The following BECN2 variants were observed in gnomAD, a reference collection of about 807,000 sequenced individuals.
The protein encoded by BECN2 is beclin 2.
For missense variants in BECN2, 428 were observed against 507.9 expected (o/e 0.84, Z 1.51); for synonymous variants, 173 against 220.1 (o/e 0.79, Z 1.90).
rs774258195 is a variant in BECN2, at chr1:241,957,795, G to A, written c.29G>A (p.Arg10His). ...TCTTCCATCCGCTTCCTGTGCCAGC[G>A]CTGCCACCAGGCCCTGAAGCTGAGC... MSSIRFLCQ[R>H]CHQALKLSGS... Residue 10 changes from arginine to histidine, a missense_variant, in exon 1 of 1, where the codon CGC becomes CAC. By Grantham distance (29) the Arg-to-His change is conservative (BLOSUM62 0). Transcript: ENST00000419583. The A allele has an allele frequency of 2.8e-5, 34 of 1,231,712 alleles. No individual in the cohort carries two copies. Among genetic ancestry groups the A allele is most frequent in the Non-Finnish European group, 3.3e-5 (33 of 988,032 alleles). The allele number at this position is 1,231,712 out of a possible 1,614,324, so 76.3% of individuals were successfully genotyped here.
chr1:241,958,634 G>A lies in BECN2; in HGVS notation c.868G>A (p.Gly290Arg), dbSNP rs1403013513. The A allele has an allele frequency of 8.1e-7, 1 of 1,231,666 alleles. No individual in the cohort carries two copies. The highest frequency in any genetic ancestry group is 1.0e-6 in the Non-Finnish European group (1 of 988,024). 76.3% of individuals were successfully genotyped at this position (1,231,666 alleles called of 1,614,324 possible). The change falls in exon 1 of 1, where the codon GGA (glycine) becomes AGA (arginine). Residue 290 changes from glycine (G) to arginine (R), a missense_variant. Coordinates refer to ENST00000419583, the MANE Select transcript of BECN2 (RefSeq NM_001290693.1). ...CTGGAATGAGATTAACACTGCCTGG[G>A]GACAGGCGGCCTTGCTGCTCCTTAC... is the stretch of plus-strand genomic sequence containing the variant. ...VGWNEINTAW[G>R]QAALLLLTLA...
chr1:241,957,792 AG>A, the BECN2 span: 2 of 1,231,716 alleles, frequency 1.6e-6, no homozygotes, highest in Non-Finnish European at 2.0e-6. Context: ...TTCCTGTGCC[AG>A]CGCTGCCACC....
At position 241,957,870 on chromosome 1, in the gene BECN2, GGCAGGCTGA is replaced by G. The variant is rs1348497041; in HGVS notation, c.107_115del (p.Gln36_Glu38del). 3 of 1,231,802 alleles carry G rather than the reference GGCAGGCTGA, an allele frequency of 2.4e-6. No homozygotes were observed. The East Asian group carries it at 9.5e-5, about 39-fold the overall frequency. The allele number at this position is 1,231,802 out of a possible 1,614,324, so 76.3% of individuals were successfully genotyped here. A position where few individuals can be genotyped will look rare whatever the true frequency, so the allele number is the denominator to read the frequency against. ...CCTGCAGCCCCGGCGCCCACCTCTG[GGCAGGCTGA>G]GCCCGGAGACACCCGGGAGCCCGGC... On this transcript the variant is annotated inframe_deletion, in exon 1 of 1. Coordinates refer to ENST00000419583, the MANE Select transcript of BECN2 (RefSeq NM_001290693.1).
rs1664454656 is a variant in BECN2 at position 241,958,036 on chromosome 1, G to A, written c.270G>A (p.Met90Ile). ...IFTLLGELGA[M>I]HMLSSIQKAA... ...CCCTGCTGGGGGAGCTTGGCGCCAT[G>A]CACATGCTCAGTAGCATCCAGAAGG... Residue 90 changes from methionine (M) to isoleucine (I), a missense_variant, in exon 1 of 1, where the codon ATG becomes ATA. Transcript: ENST00000419583. 29 of 1,232,066 alleles carry A rather than the reference G, an allele frequency of 2.4e-5. No homozygotes were observed. Among genetic ancestry groups the A allele is most frequent in the Non-Finnish European group, 2.8e-5 (28 of 988,204 alleles). 76.3% of individuals were successfully genotyped at this position (1,232,066 alleles called of 1,614,324 possible). A position where few individuals can be genotyped will look rare whatever the true frequency, so the allele number is the denominator to read the frequency against.
chr1:241,958,542 G>T lies in BECN2; in HGVS notation c.776G>T (p.Trp259Leu). 8.1e-7 allele frequency: 1 copy of T among 1,231,806 alleles called. No homozygotes were observed. Among genetic ancestry groups the T allele is most frequent in the Non-Finnish European group, 1.0e-6 (1 of 988,038 alleles). 76.3% of individuals were successfully genotyped at this position (1,231,806 alleles called of 1,614,324 possible). A position where few individuals can be genotyped will look rare whatever the true frequency, so the allele number is the denominator to read the frequency against. The change falls in exon 1 of 1, where the codon TGG becomes TTG. Residue 259 changes from tryptophan to leucine, a missense_variant. By Grantham distance (61) the Trp-to-Leu change is moderately conservative (BLOSUM62 -2). Coordinates refer to ENST00000419583, the MANE Select transcript of BECN2 (RefSeq NM_001290693.1). ...INCFTATFEI[W>L]VEGPLGVINN... is the part of the protein sequence containing the mutation. ...TGTTTCACCGCCACGTTTGAGATCT[G>T]GGTGGAGGGCCCCTTGGGCGTCATC...
At position 241,958,544 on chromosome 1, in the gene BECN2, G is replaced by A. The variant is rs374742846; in HGVS notation, c.778G>A (p.Val260Met). The part of the protein sequence containing the change: ...NCFTATFEIW[V>M]EGPLGVINNF... The stretch of plus-strand genomic sequence containing the variant: ...TTTCACCGCCACGTTTGAGATCTGG[G>A]TGGAGGGCCCCTTGGGCGTCATCAA... The change falls in exon 1 of 1, where the codon GTG becomes ATG. Residue 260 changes from valine (V) to methionine (M), a missense_variant. Physicochemically the swap from Val to Met is conservative, Grantham distance 21 (BLOSUM62 1). Transcript: ENST00000419583. The A allele has an allele frequency of 8.1e-6, 10 of 1,231,674 alleles. No individual in the cohort carries two copies. The East Asian group carries it at 2.8e-4, about 35-fold the overall frequency. The allele number at this position is 1,231,674 out of a possible 1,614,324, so 76.3% of individuals were successfully genotyped here.
Position 241,958,282 on chromosome 1 carries a change from G to A in BECN2, c.516G>A (p.Glu172=). The change falls in exon 1 of 1, where the codon GAG becomes GAA. Residue 172 remains glutamate (E), a synonymous_variant. Coordinates refer to ENST00000419583, the MANE Select transcript of BECN2 (RefSeq NM_001290693.1). ...CGGAGCTGCGGGACCTGGAGCTGGA[G>A]GAGGCCAGGCTGGTGCAGGAGCTGG... The part of the protein sequence containing the change: ...LRAELRDLEL[E]EARLVQELED... 8.1e-7 allele frequency: 1 copy of A among 1,234,338 alleles called. No individual in the cohort carries two copies. The highest frequency in any genetic ancestry group is 1.5e-5 in the African/African-American group (1 of 64,590). The allele number at this position is 1,234,338 out of a possible 1,614,324, so 76.5% of individuals were successfully genotyped here.
At position 241,958,289 on chromosome 1, in the gene BECN2, A is replaced by G; in HGVS notation, c.523A>G (p.Arg175Gly). The G allele has an allele frequency of 8.1e-7, 1 of 1,233,912 alleles. No homozygotes were observed. Among genetic ancestry groups the G allele is most frequent in the East Asian group, 3.1e-5 (1 of 31,748 alleles). 76.4% of individuals were successfully genotyped at this position (1,233,912 alleles called of 1,614,324 possible). The change falls in exon 1 of 1, where the codon AGG becomes GGG. Residue 175 changes from arginine (R) to glycine (G), a missense_variant. Arg to Gly is a moderately radical substitution (Grantham distance 125). Coordinates refer to ENST00000419583, the MANE Select transcript of BECN2 (RefSeq NM_001290693.1). The stretch of plus-strand genomic sequence containing the variant: ...GCGGGACCTGGAGCTGGAGGAGGCC[A>G]GGCTGGTGCAGGAGCTGGAGGATGT... Reference protein sequence around the residue: ...ELRDLELEEARLVQELEDVDR... With the variant: ...ELRDLELEEAGLVQELEDVDR...
chr1:241,958,182 ACAGT>A, the BECN2 span: 51 of 1,232,148 alleles, frequency 4.1e-5, no homozygotes, highest in Non-Finnish European at 4.9e-5. Context: ...ACAGAAGCTG[ACAGT>A]CAGAACTACC....
the BECN2 span, chr1:241,958,037 CA>C: frequency 8.1e-6 from 10 of 1,232,088 alleles, no homozygotes; most frequent in African/African-American, 1.2e-4. Flanking sequence ...TGGCGCCATG[CA>C]CATGCTCAGT....
chr1:241,958,839 T>G lies in BECN2; in HGVS notation c.1073T>G (p.Met358Arg). Residue 358 changes from methionine (M) to arginine (R), a missense_variant, in exon 1 of 1, where the codon ATG becomes AGG. By Grantham distance (91) the Met-to-Arg change is moderately conservative. Coordinates refer to ENST00000419583, the MANE Select transcript of BECN2 (RefSeq NM_001290693.1). ...GCGATGGTGGCCTTCCTGGACTGCATGCAGCAGTTCAAGGAAGAGGCTGAG... is the reference window on the plus strand; with the variant it reads ...GCGATGGTGGCCTTCCTGGACTGCAGGCAGCAGTTCAAGGAAGAGGCTGAG... ...DRAMVAFLDC[M>R]QQFKEEAEKG... The G allele has an allele frequency of 2.4e-6, 3 of 1,231,854 alleles. No individual in the cohort carries two copies. Among genetic ancestry groups the G allele is most frequent in the Non-Finnish European group, 3.0e-6 (3 of 988,078 alleles). The allele number at this position is 1,231,854 out of a possible 1,614,324, so 76.3% of individuals were successfully genotyped here.
At position 241,958,707 on chromosome 1, in the gene BECN2, C is replaced by T. The variant is rs1324475508; in HGVS notation, c.941C>T (p.Pro314Leu). The change falls in exon 1 of 1, where the codon CCC becomes CTC. Residue 314 changes from proline to leucine, a missense_variant. Transcript: ENST00000419583. ...CAGTTTCAGAGGTATCGACTCATCCCCTGCGGAAACCATTCGTATCTGAAG... is the reference window on the plus strand; with the variant it reads ...CAGTTTCAGAGGTATCGACTCATCCTCTGCGGAAACCATTCGTATCTGAAG... ...GLQFQRYRLI[P>L]CGNHSYLKSL... The T allele has an allele frequency of 8.1e-7, 1 of 1,231,686 alleles. No homozygotes were observed. Among genetic ancestry groups the T allele is most frequent in the Non-Finnish European group, 1.0e-6 (1 of 988,040 alleles). The allele number at this position is 1,231,686 out of a possible 1,614,324, so 76.3% of individuals were successfully genotyped here. A position where few individuals can be genotyped will look rare whatever the true frequency, so the allele number is the denominator to read the frequency against.
At position 241,958,456 on chromosome 1, in the gene BECN2, G is replaced by A; in HGVS notation, c.690G>A (p.Gly230=). The A allele has an allele frequency of 2.4e-6, 3 of 1,231,884 alleles. No homozygotes were observed. The highest frequency in any genetic ancestry group is 8.4e-5 in the Admixed American group (2 of 23,726). 76.3% of individuals were successfully genotyped at this position (1,231,884 alleles called of 1,614,324 possible). A position where few individuals can be genotyped will look rare whatever the true frequency, so the allele number is the denominator to read the frequency against. ...RQQLELLDQL[G]NVENQLQYAR... is the part of the protein sequence containing the mutation. Reference sequence around the variant, plus strand: ...AGCTGGAACTGCTTGATCAGCTGGGGAACGTGGAGAACCAGCTGCAGTATG... The same window carrying A: ...AGCTGGAACTGCTTGATCAGCTGGGAAACGTGGAGAACCAGCTGCAGTATG... Residue 230 remains glycine, a synonymous_variant, in exon 1 of 1, where the codon GGG becomes GGA. Transcript: ENST00000419583.
At position 241,957,843 on chromosome 1, in the gene BECN2, T is replaced by C. The variant is rs914210228; in HGVS notation, c.77T>C (p.Leu26Pro). ...AGCGGCTCCTCGGAGTCTAGGAGCC[T>C]CCCTGCAGCCCCGGCGCCCACCTCT... ...KLSGSSESRS[L>P]PAAPAPTSGQ... Residue 26 changes from leucine (L) to proline (P), a missense_variant, in exon 1 of 1, where the codon CTC (leucine) becomes CCC (proline). By Grantham distance (98) the Leu-to-Pro change is moderately conservative. Transcript: ENST00000419583. The C allele has an allele frequency of 8.1e-7, 1 of 1,231,714 alleles. No homozygotes were observed. The highest frequency in any genetic ancestry group is 3.2e-5 in the East Asian group (1 of 31,676). 76.3% of individuals were successfully genotyped at this position (1,231,714 alleles called of 1,614,324 possible). A position where few individuals can be genotyped will look rare whatever the true frequency, so the allele number is the denominator to read the frequency against.
chr1:241,958,288 C>T lies in BECN2; in HGVS notation c.522C>T (p.Ala174=). 8.1e-7 allele frequency: 1 copy of T among 1,233,862 alleles called. No homozygotes were observed. The allele number at this position is 1,233,862 out of a possible 1,614,324, so 76.4% of individuals were successfully genotyped here. A position where few individuals can be genotyped will look rare whatever the true frequency, so the allele number is the denominator to read the frequency against. ...TGCGGGACCTGGAGCTGGAGGAGGC[C>T]AGGCTGGTGCAGGAGCTGGAGGATG... ...AELRDLELEE[A]RLVQELEDVD... is the part of the protein sequence containing the mutation. Residue 174 remains alanine, a synonymous_variant, in exon 1 of 1, where the codon GCC becomes GCT. Coordinates refer to ENST00000419583, the MANE Select transcript of BECN2 (RefSeq NM_001290693.1).
Position 241,958,242 on chromosome 1 carries a change from C to A in BECN2, c.476C>A (p.Ala159Glu), listed in dbSNP as rs2148586868. The A allele has an allele frequency of 1.6e-6, 2 of 1,233,440 alleles. No individual in the cohort carries two copies. Among genetic ancestry groups the A allele is most frequent in the East Asian group, 6.3e-5 (2 of 31,780 alleles). 76.4% of individuals were successfully genotyped at this position (1,233,440 alleles called of 1,614,324 possible). ...TGELATSEDE[A>E]AALRAELRDL... ...GAGCTGGCGACCAGCGAGGACGAGG[C>A]GGCGGCGCTGCGGGCGGAGCTGCGG... Residue 159 changes from alanine to glutamate, a missense_variant, in exon 1 of 1, where the codon GCG becomes GAG. Ala to Glu is a moderately radical substitution (Grantham distance 107). Coordinates refer to ENST00000419583, the MANE Select transcript of BECN2 (RefSeq NM_001290693.1).
Position 241,958,057 on chromosome 1 carries a change from G to A in BECN2, c.291G>A (p.Gln97=). 8.1e-7 allele frequency: 1 copy of A among 1,232,084 alleles called. No individual in the cohort carries two copies. Among genetic ancestry groups the A allele is most frequent in the Non-Finnish European group, 1.0e-6 (1 of 988,214 alleles). The allele number at this position is 1,232,084 out of a possible 1,614,324, so 76.3% of individuals were successfully genotyped here. A position where few individuals can be genotyped will look rare whatever the true frequency, so the allele number is the denominator to read the frequency against. The change falls in exon 1 of 1, where the codon CAG becomes CAA. Residue 97 remains glutamine (Q), a synonymous_variant. Transcript: ENST00000419583. ...CCATGCACATGCTCAGTAGCATCCA[G>A]AAGGCAGCTGGTGACATTTTTGACA... ...LGAMHMLSSI[Q]KAAGDIFDIV...
chr1:241,958,733 T>G lies in BECN2; in HGVS notation c.967T>G (p.Ser323Ala). Residue 323 changes from serine (S) to alanine (A), a missense_variant, in exon 1 of 1, where the codon TCT becomes GCT. Physicochemically the swap from Ser to Ala is moderately conservative, Grantham distance 99. Transcript: ENST00000419583. ...IPCGNHSYLK[S>A]LTDDRTELPL... The stretch of plus-strand genomic sequence containing the variant: ...CTGCGGAAACCATTCGTATCTGAAG[T>G]CTTTAACAGATGACCGCACTGAGCT... 1.6e-6 allele frequency: 2 copies of G among 1,231,752 alleles called. No individual in the cohort carries two copies. The highest frequency in any genetic ancestry group is 2.0e-6 in the Non-Finnish European group (2 of 988,004). 76.3% of individuals were successfully genotyped at this position (1,231,752 alleles called of 1,614,324 possible). A position where few individuals can be genotyped will look rare whatever the true frequency, so the allele number is the denominator to read the frequency against.
At position 241,958,227 on chromosome 1, in the gene BECN2, C is replaced by T; in HGVS notation, c.461C>T (p.Thr154Ile). ...TGCCTGGAGACCGGGGAGCTGGCGA[C>T]CAGCGAGGACGAGGCGGCGGCGCTG... ...QRCLETGELA[T>I]SEDEAAALRA... The change falls in exon 1 of 1, where the codon ACC becomes ATC. Residue 154 changes from threonine (T) to isoleucine (I), a missense_variant. Coordinates refer to ENST00000419583, the MANE Select transcript of BECN2 (RefSeq NM_001290693.1). 8.1e-7 allele frequency: 1 copy of T among 1,233,150 alleles called. No individual in the cohort carries two copies. The highest frequency in any genetic ancestry group is 4.1e-5 in the South Asian group (1 of 24,338). The allele number at this position is 1,233,150 out of a possible 1,614,324, so 76.4% of individuals were successfully genotyped here.
Sources: gnomAD v4.1 joint callset for allele counts on GRCh38, gnomAD v4.1.1 for gene constraint, MANE v1.5 for transcripts, NCBI Gene and HGNC (gene_info 2026-07-23, HGNC 2026-07-21) for gene names.